Variants in OSBPL10 observed in about 807,000 individuals in gnomAD.
The protein encoded by OSBPL10 is oxysterol binding protein like 10.
OSBPL10 carries 49 observed loss-of-function variants against 81.7 expected under a neutral mutation model. The observed-to-expected ratio is 0.60, with a 90% CI of 0.48 to 0.76. OSBPL10 has a LOEUF of 0.76. Among genes scored for constraint, OSBPL10 ranks in the 30% least tolerant of loss-of-function variants. OSBPL10 has a pLI of 0.00. For synonymous variants in OSBPL10, 419 were observed against 383.6 expected, an observed-to-expected ratio of 1.09 and a Z score of -1.08; for missense variants, 923 against 987.8, an observed-to-expected ratio of 0.93 and a Z score of 0.88.
At chr3:31,682,343 C>T (rs1700673162) in intron 8 of OSBPL10, among the ~76,000 whole-genome samples, 1 of 152,204 alleles carries the variant, frequency 6.6e-6, no homozygotes, top group African/African-American at 2.4e-5. Context: ...AGCCAGTGTC[C>T]CTAGCAATAG....
At chr3:31,733,561 C>T in intron 5 of OSBPL10, 150 bp from the exon 6 acceptor site, 1 of 853,590 alleles carries the variant, frequency 1.2e-6, no homozygotes, top group Middle Eastern at 2.7e-4. Flanking sequence ...GTACCAAGTG[C>T]AGATTCTGAT....
chr3:31,980,922 G>A lies in OSBPL10; in HGVS notation c.258C>T (p.Asn86=), dbSNP rs1247071547. The A allele has an allele frequency of 1.8e-5, 28 of 1,580,876 alleles. No individual in the cohort carries two copies. Among genetic ancestry groups the A allele is most frequent in the Non-Finnish European group, 2.1e-5 (25 of 1,166,930 alleles). ...ALEGVLSKYT[N]LLQGWQNRYF... ...ACCTGTTCTGCCAGCCCTGGAGGAG[G>A]TTGGTGTATTTGCTGAGCACGCCCT... Residue 86 remains asparagine, a synonymous_variant, in exon 1 of 12, where the codon AAC becomes AAT. Coordinates refer to ENST00000396556, the MANE Select transcript of OSBPL10 (RefSeq NM_017784.5).
chr3:32,055,897 A>G (rs1699707896), intron 1 of OSBPL10, among the ~76,000 whole-genome samples: 1 of 152,186 alleles, frequency 6.6e-6, no homozygotes, highest in South Asian at 2.1e-4. Context: ...CAACTCATAC[A>G]GGTATTTGAT....
At chr3:31,852,807 G>A (rs1367810767) in intron 3 of OSBPL10, among the ~76,000 whole-genome samples, 1 of 151,940 alleles carries the variant, frequency 6.6e-6, no homozygotes, top group Non-Finnish European at 1.5e-5. Context: ...TTGAACTCCT[G>A]ACCTCAAGTG....
At chr3:31,720,648 T>C (rs545161837) in intron 6 of OSBPL10, among the ~76,000 whole-genome samples, 20 of 152,082 alleles carry the variant, frequency 1.3e-4, no homozygotes, top group Non-Finnish European at 2.2e-4. Context: ...CCTGTAATCT[T>C]AGCACTTTGG....
chr3:31,827,979 A>T (rs1189377252), intron 4 of OSBPL10, among the ~76,000 whole-genome samples: 4 of 152,204 alleles, frequency 2.6e-5, no homozygotes, highest in Admixed American at 2.6e-4. Flanking sequence ...TATTTAGGTC[A>T]CTGCTCACTA....
chr3:31,797,614 T>G, intron 4 of OSBPL10: 1 of 320,790 alleles, frequency 3.1e-6, no homozygotes, highest in Middle Eastern at 9.5e-4. Context: ...CCCTCCAAAC[T>G]ACAATTTCTG....
At chr3:31,969,351 C>T (rs978138217) in intron 1 of OSBPL10, 2 of 152,400 alleles carry the variant, frequency 1.3e-5, no homozygotes, top group African/African-American at 2.4e-5. Context: ...AGGACCAGCC[C>T]AGAGGTGGCA....
intron 1 of OSBPL10, among the ~76,000 whole-genome samples, chr3:31,949,048 A>T (rs1697785595): frequency 6.6e-6 from 1 of 152,224 alleles, no homozygotes; most frequent in African/African-American, 2.4e-5. Context: ...GGTCAAATCA[A>T]TTAACTCATT....
intron 1 of OSBPL10, among the ~76,000 whole-genome samples, chr3:31,912,374 G>A (rs979510688): frequency 2.8e-5 from 4 of 144,944 alleles, no homozygotes; most frequent in African/African-American, 5.2e-5. Context: ...CAGCCTGGGC[G>A]ACAGGGCGAG....
chr3:31,946,417 A>C (rs75824283), intron 1 of OSBPL10, among the ~76,000 whole-genome samples: 3 of 142,532 alleles, frequency 2.1e-5, no homozygotes, highest in Middle Eastern at 3.3e-3. Flanking sequence ...AAAAAAAAAA[A>C]CCCTTGTATT....
chr3:31,778,556 T>C (rs1698607335), intron 4 of OSBPL10, among the ~76,000 whole-genome samples: 2 of 151,958 alleles, frequency 1.3e-5, no homozygotes, highest in Non-Finnish European at 2.9e-5. Context: ...AATTTGGGAT[T>C]ATGTTAAATA....
intron 1 of OSBPL10, among the ~76,000 whole-genome samples, chr3:31,895,227 G>A (rs1193826570): frequency 4.1e-5 from 6 of 147,834 alleles, no homozygotes; most frequent in African/African-American, 1.0e-4. Context: ...TGTCTCCCGG[G>A]TTGACGCCAT....
At chr3:31,802,549 C>CA (rs746823677) in intron 4 of OSBPL10, among the ~76,000 whole-genome samples, 41,380 of 94,194 alleles carry the variant, frequency 0.44, 9,574 homozygotes, top group Non-Finnish European at 0.52. Flanking sequence ...GCCTGGGTAT[C>CA]AAAAAAAAAA....
At chr3:32,045,523 G>T (rs1699612732) in intron 2 of OSBPL10, among the ~76,000 whole-genome samples, 1 of 152,194 alleles carries the variant, frequency 6.6e-6, no homozygotes, top group South Asian at 2.1e-4. Flanking sequence ...ATGAGACAGG[G>T]TCGATAATAG....
intron 6 of OSBPL10, chr3:31,718,753 C>T (rs1048947803): frequency 3.3e-5 from 5 of 152,032 alleles, no homozygotes; most frequent in South Asian, 4.2e-4. Context: ...AAGGAACAAA[C>T]GAATTGTTTT....
upstream of OSBPL10, among the ~76,000 whole-genome samples, chr3:31,985,418 T>TGATTGG (rs1185814684): frequency 6.6e-6 from 1 of 152,198 alleles, no homozygotes. Flanking sequence ...AAGCTATGCA[T>TGATTGG]GATTGGAGCA....
At chr3:31,807,774 T>C (rs1224000444) in intron 4 of OSBPL10, among the ~76,000 whole-genome samples, 1 of 152,028 alleles carries the variant, frequency 6.6e-6, no homozygotes, top group East Asian at 1.9e-4. Context: ...GGTAAGATCA[T>C]GGTGTTATGG....
At chr3:32,046,261 A>G (rs1699620487) in intron 2 of OSBPL10, among the ~76,000 whole-genome samples, 1 of 152,192 alleles carries the variant, frequency 6.6e-6, no homozygotes, top group Admixed American at 6.5e-5. Flanking sequence ...TCCTTCTTAT[A>G]TAAAAATACT....
Sources: allele counts gnomAD v4.1 joint callset (sites outside exome capture counted in the v4.1 genomes callset), GRCh38; gene constraint gnomAD v4.1.1; transcripts MANE v1.5; gene names NCBI Gene and HGNC (gene_info 2026-07-23, HGNC 2026-07-21).